TARBP1: variants seen among roughly 807,000 people sequenced by gnomAD.
TARBP1 encodes tRNA (guanosine(18)-2'-O)-methyltransferase TARBP1.
Under a neutral mutation model 178.6 loss-of-function variants are expected in TARBP1, and 144 were observed. The ratio of observed to expected loss-of-function variants is 0.81; its 90% CI spans 0.70 to 0.93. The LOEUF (loss-of-function observed/expected upper bound fraction) is 0.93. Among genes scored for constraint, TARBP1 ranks in the 40% least tolerant of loss-of-function variants. The pLI is 0.00. For synonymous variants in TARBP1, 787 were observed against 781.0 expected, an observed-to-expected ratio of 1.01 and a Z score of -0.13; for missense variants, 2,067 against 2,011.7, an observed-to-expected ratio of 1.03 and a Z score of -0.53.
In TARBP1 at chr1:234,430,221, C is replaced by T. The variant is rs1433243652; in HGVS notation, c.2475G>A (p.Lys825=). Residue 825 remains lysine, a synonymous_variant, in exon 15 of 30, where the codon AAG becomes AAA. Coordinates refer to ENST00000040877, the MANE Select transcript of TARBP1 (RefSeq NM_005646.4). ...GGAGAGAGTCCAGCTGCAGCTCAGG[C>T]TTCTGGTCTATGGCCTCACACACCA... is the stretch of plus-strand genomic sequence containing the variant. ...LAMVCEAIDQ[K]PELQLDSLHA... is the part of the protein sequence containing the mutation. 24 of 1,614,218 alleles carry T rather than the reference C, an allele frequency of 1.5e-5. No individual in the cohort carries two copies. Among genetic ancestry groups the T allele is most frequent in the Admixed American group, 5.0e-5 (3 of 60,030 alleles).
chr1:234,449,526 T>C (rs1181200075), intron 10 of TARBP1, among the ~76,000 whole-genome samples: 5 of 152,214 alleles, frequency 3.3e-5, no homozygotes, highest in Non-Finnish European at 7.3e-5. Flanking sequence ...CCAGTTTATG[T>C]CTACTTTAAT....
intron 24 of TARBP1, among the ~76,000 whole-genome samples, chr1:234,403,987 C>G (rs1024259082): frequency 6.6e-6 from 1 of 152,130 alleles, no homozygotes; most frequent in Non-Finnish European, 1.5e-5. Context: ...TGCACCCAGC[C>G]GGATGCCTTA....
At chr1:234,471,040 CT>C in intron 3 of TARBP1, 147 bp downstream of exon 3, 1 of 628,416 alleles carries the variant, frequency 1.6e-6, no homozygotes, top group Non-Finnish European at 2.8e-6. Flanking sequence ...CAACTGTTAT[CT>C]CTTGGTGGCA....
intron 16 of TARBP1, 30 bp downstream of exon 16, chr1:234,429,386 C>T: frequency 6.3e-7 from 1 of 1,584,562 alleles, no homozygotes; most frequent in Non-Finnish European, 8.5e-7. Flanking sequence ...CCTATAGTTA[C>T]TGTTCAATTC....
chr1:234,472,025 C>G (rs1285518452), intron 2 of TARBP1, among the ~76,000 whole-genome samples: 4 of 152,106 alleles, frequency 2.6e-5, no homozygotes, highest in Admixed American at 2.6e-4. Flanking sequence ...TACATATCAC[C>G]TGGGAACTTG....
chr1:234,430,036 T>G (rs1350570251), intron 15 of TARBP1, 51 bp downstream of exon 15: 1 of 1,530,978 alleles, frequency 6.5e-7, no homozygotes, highest in Non-Finnish European at 8.9e-7. Context: ...AATCATGAAC[T>G]CACGGTGACA....
At position 234,471,248 on chromosome 1, in the gene TARBP1, TAAC is replaced by T. The variant is rs1347781526; in HGVS notation, c.1036_1038del (p.Val346del). On this transcript the variant is annotated inframe_deletion, in exon 3 of 30. Transcript: ENST00000040877. ...TTTAGCTTTGGTAAAACTGGCTTTA[TAAC>T]ATGTATCTAAAAATAAGAGCAAAAA... 1 of 1,592,240 alleles carries T rather than the reference TAAC, an allele frequency of 6.3e-7. No individual in the cohort carries two copies. Among genetic ancestry groups the T allele is most frequent in the East Asian group, 2.3e-5 (1 of 44,340 alleles).
At chr1:234,403,688 GT>G (rs1016862318) in intron 24 of TARBP1, among the ~76,000 whole-genome samples, 1 of 152,042 alleles carries the variant, frequency 6.6e-6, no homozygotes, top group African/African-American at 2.4e-5. Context: ...TTATTTATTT[GT>G]TTATTTATTT....
chr1:234,435,906 C>T (rs1664982147), intron 13 of TARBP1, among the ~76,000 whole-genome samples: 1 of 152,144 alleles, frequency 6.6e-6, no homozygotes, highest in Non-Finnish European at 1.5e-5. Context: ...GAGGCAGGCT[C>T]TTTTTTCCCC....
chr1:234,430,975 T>C (rs894828415), intron 14 of TARBP1, among the ~76,000 whole-genome samples: 2 of 152,214 alleles, frequency 1.3e-5, no homozygotes, highest in African/African-American at 2.4e-5. Context: ...GGTTACTGCA[T>C]GTAAAACACT....
chr1:234,405,793 G>T, intron 24 of TARBP1, 110 bp downstream of exon 24: 1 of 1,036,458 alleles, frequency 9.6e-7, no homozygotes, highest in Non-Finnish European at 1.4e-6. Context: ...GCTCCAGGAC[G>T]GCAGCATGAG....
At chr1:234,430,024 G>A in intron 15 of TARBP1, 63 bp downstream of exon 15, 1 of 1,450,120 alleles carries the variant, frequency 6.9e-7, no homozygotes, top group Non-Finnish European at 9.5e-7. Context: ...GCAATGTTGG[G>A]CAATCATGAA....
intron 25 of TARBP1, among the ~76,000 whole-genome samples, chr1:234,399,579 T>C (rs1660469744): frequency 6.6e-6 from 1 of 152,124 alleles, no homozygotes; most frequent in Non-Finnish European, 1.5e-5. Context: ...TAAAGACACA[T>C]GCACACGTAT....
chr1:234,398,479 T>A lies in TARBP1; in HGVS notation c.4146A>T (p.Arg1382Ser). 1.2e-6 allele frequency: 2 copies of A among 1,611,816 alleles called. No homozygotes were observed. The highest frequency in any genetic ancestry group is 2.2e-5 in the South Asian group (2 of 90,796). Residue 1382 changes from arginine (R) to serine (S), a missense_variant, in exon 26 of 30, where the codon AGA becomes AGT. Coordinates refer to ENST00000040877, the MANE Select transcript of TARBP1 (RefSeq NM_005646.4). Reference sequence around the variant, plus strand: ...CCGCAGCTAAAGGAACATCAGTGAATCTGGTAAATTTATCAATGGTGATCC... The same window carrying A: ...CCGCAGCTAAAGGAACATCAGTGAAACTGGTAAATTTATCAATGGTGATCC... ...DEWITIDKFT[R>S]FTDVPLAAGF... is the part of the protein sequence containing the mutation.
intron 5 of TARBP1, 133 bp downstream of exon 5, chr1:234,465,523 G>T: frequency 2.9e-6 from 2 of 697,796 alleles, no homozygotes; most frequent in Non-Finnish European, 4.5e-6. Context: ...ATAGAAAAAG[G>T]ACCACATGAT....
At chr1:234,450,765 T>C (rs1025508400) in intron 9 of TARBP1, among the ~76,000 whole-genome samples, 199 bp from the exon 10 acceptor site, 4 of 140,666 alleles carry the variant, frequency 2.8e-5, no homozygotes, top group African/African-American at 1.0e-4. Context: ...TATTTATGTA[T>C]GCGTATATGT....
Position 234,406,026 on chromosome 1 carries a change from TAC to T in TARBP1, c.3864_3865del (p.Tyr1289CysfsTer6). 6.2e-7 allele frequency: 1 copy of T among 1,614,200 alleles called. No individual in the cohort carries two copies. Among genetic ancestry groups the T allele is most frequent in the Non-Finnish European group, 8.5e-7 (1 of 1,180,040 alleles). On this transcript the variant is annotated frameshift_variant, in exon 24 of 30. Transcript: ENST00000040877. LOFTEE classifies it high-confidence loss of function. ...GAGTTTCTTAAGAGCAACTAAAGCA[TAC>T]AGTCGAACACTAAAATTGTGATTGA...
chr1:234,453,329 G>GTTT (rs374906747), intron 9 of TARBP1, among the ~76,000 whole-genome samples: 1 of 89,976 alleles, frequency 1.1e-5, no homozygotes, highest in African/African-American at 3.5e-5. Flanking sequence ...TTTTTTGTGT[G>GTTT]TTTTTTTTTT....
chr1:234,447,024 A>T lies in TARBP1; in HGVS notation c.1962-49T>A, dbSNP rs370244679. 1,112 of 1,599,572 alleles carry T rather than the reference A, an allele frequency of 7.0e-4. 1 individual carries two copies. Among genetic ancestry groups the T allele is most frequent in the Non-Finnish European group, 8.7e-4 (1,016 of 1,169,890 alleles). On this transcript the variant is annotated intron_variant, in intron 11 of 29. Transcript: ENST00000040877. ...AATCAACCATTTCAAAAGCATAAGC[A>T]AATTGCTTCCCACCTATAATTGGGT...
Sources: allele counts gnomAD v4.1 joint callset (sites outside exome capture counted in the v4.1 genomes callset), GRCh38; gene constraint gnomAD v4.1.1; transcripts MANE v1.5; gene names NCBI Gene and HGNC (gene_info 2026-07-23, HGNC 2026-07-21).